Variants in MXRA5 observed in about 807,000 individuals in gnomAD.
MXRA5 encodes the protein matrix remodeling associated 5.
In MXRA5, 41 loss-of-function variants were observed where a neutral mutation model predicts 112.5. That is an observed-to-expected ratio of 0.36 (90% confidence interval 0.28 to 0.47). MXRA5 has a LOEUF of 0.47. Among genes scored for constraint, MXRA5 ranks in the 20% least tolerant of loss-of-function variants. The pLI is 0.99. For missense variants in MXRA5, 2,150 were observed against 2,251.0 expected, an observed-to-expected ratio of 0.96 and a Z score of 0.91; for synonymous variants, 862 against 900.8, an observed-to-expected ratio of 0.96 and a Z score of 0.77.
chrX:3,324,608 T>C lies in MXRA5; in HGVS notation c.1077A>G (p.Ala359=), dbSNP rs373601783. Residue 359 remains alanine (A), a synonymous_variant, in exon 5 of 7, where the codon GCA becomes GCG. Coordinates refer to ENST00000217939, the MANE Select transcript of MXRA5 (RefSeq NM_015419.4). ...QTDPPDIDIN[A]TVALDFECPM... The stretch of plus-strand genomic sequence containing the variant: ...GACACTCAAAGTCCAAGGCAACTGT[T>C]GCATTTATGTCAATATCTGGAGGAT... The C allele has an allele frequency of 6.6e-6, 8 of 1,209,535 alleles. No individual in the cohort carries two copies. In the African/African-American group the frequency reaches 1.4e-4, roughly 21 times the overall value.
chrX:3,325,586 G>A (rs1230483939), intron 4 of MXRA5, among the ~76,000 whole-genome samples: 29 of 101,798 alleles, frequency 2.8e-4, no homozygotes, highest in African/African-American at 9.8e-4. Flanking sequence ...AACATATATT[G>A]ATATATTAAT....
chrX:3,344,567 CAG>C (rs1922063591), intron 1 of MXRA5, among the ~76,000 whole-genome samples: 1 of 111,000 alleles, frequency 9.0e-6, no homozygotes, highest in South Asian at 3.8e-4. Flanking sequence ...TTCAGGCAAA[CAG>C]AAAAAAATGG....
At chrX:3,325,411 T>C (rs1483820213) in intron 4 of MXRA5, among the ~76,000 whole-genome samples, 1 of 108,051 alleles carries the variant, frequency 9.3e-6, no homozygotes, top group East Asian at 2.8e-4. Flanking sequence ...CTAATTTTTG[T>C]TGTTTTTCAT....
chrX:3,345,244 G>A (rs1013821137), intron 1 of MXRA5, among the ~76,000 whole-genome samples: 1 of 113,024 alleles, frequency 8.8e-6, no homozygotes, highest in Non-Finnish European at 1.9e-5. Flanking sequence ...TTAAGCCCGG[G>A]GGCGCGTCTC....
At chrX:3,313,504 C>T (rs1921020342) in intron 6 of MXRA5, among the ~76,000 whole-genome samples, 1 of 111,492 alleles carries the variant, frequency 9.0e-6, no homozygotes, top group Non-Finnish European at 1.9e-5. Flanking sequence ...AAGCAATCCA[C>T]CCACCTCGGC....
Position 3,346,599 on chromosome X carries a change from T to G in MXRA5, c.-113A>C, listed in dbSNP as rs1182183003. On this transcript the variant is annotated 5_prime_UTR_variant, in exon 1 of 7. Transcript: ENST00000217939. ...GGCGCGCGAGTCACGGCCGGGAGTT[T>G]GCCGGGGCCATGCCCTTCCCGGGGC... The G allele has an allele frequency of 1.3e-6, 1 of 747,722 alleles. No homozygotes were observed. Among genetic ancestry groups the G allele is most frequent in the Admixed American group, 8.6e-5 (1 of 11,588 alleles). The allele number at this position is 747,722 out of a possible 1,213,427, so 61.6% of individuals were successfully genotyped here. A position where few individuals can be genotyped will look rare whatever the true frequency, so the allele number is the denominator to read the frequency against.
chrX:3,326,028 T>C (rs1302832314), intron 4 of MXRA5, among the ~76,000 whole-genome samples: 8 of 73,900 alleles, frequency 1.1e-4, no homozygotes, highest in African/African-American at 4.6e-4. Context: ...ATGTATTTTA[T>C]ATATAAATTT....
Position 3,310,932 on chromosome X carries a change from G to T in MXRA5, c.7271C>A (p.Ala2424Glu), listed in dbSNP as rs200992239. 22 of 1,211,447 alleles carry T rather than the reference G, an allele frequency of 1.8e-5. No individual in the cohort carries two copies. The highest frequency in any genetic ancestry group is 2.3e-5 in the Non-Finnish European group (21 of 895,490). The change falls in exon 7 of 7, where the codon GCG becomes GAG. Residue 2424 changes from alanine (A) to glutamate (E), a missense_variant. Transcript: ENST00000217939. ...GNYTCLVRNS[A>E]GEDRKTVWIH... ...CCACACCGTCTTCCTATCCTCTCCC[G>T]CGCTGTTCCTGACCAAGCAGGTGTA...
intron 6 of MXRA5, among the ~76,000 whole-genome samples, chrX:3,314,851 G>T (rs1417373193): frequency 9.1e-6 from 1 of 109,583 alleles, no homozygotes; most frequent in Non-Finnish European, 1.9e-5. Flanking sequence ...CTCCTTGGTT[G>T]TAAACAACTG....
intron 4 of MXRA5, among the ~76,000 whole-genome samples, chrX:3,329,813 C>T (rs1420955418): frequency 1.8e-5 from 2 of 111,810 alleles, no homozygotes; most frequent in African/African-American, 6.5e-5. Flanking sequence ...GGGATAACTG[C>T]CTTTGCGTTG....
At chrX:3,341,401 AT>A (rs1372510162) in intron 2 of MXRA5, among the ~76,000 whole-genome samples, 3 of 22,873 alleles carry the variant, frequency 1.3e-4, no homozygotes, top group African/African-American at 7.2e-4. Flanking sequence ...TATATATAAT[AT>A]ATATTATTAT....
chrX:3,310,153 T>C lies in MXRA5; in HGVS notation c.8050A>G (p.Thr2684Ala). The C allele has an allele frequency of 8.3e-7, 1 of 1,210,984 alleles. No individual in the cohort carries two copies. Among genetic ancestry groups the C allele is most frequent in the East Asian group, 3.0e-5 (1 of 33,805 alleles). ...PNGMHLEGPQ[T>A]LGRVSLLDNG... ...TCCAGAAGAGAAACGCGTCCCAGGG[T>C]TTGGGGGCCCTCCAGATGCATGCCA... The change falls in exon 7 of 7, where the codon ACC becomes GCC. Residue 2684 changes from threonine to alanine, a missense_variant. This residue lies in a region of MXRA5 where 178 missense variants were observed against 198.2 expected (regional missense o/e 0.90). Transcript: ENST00000217939.
intron 2 of MXRA5, among the ~76,000 whole-genome samples, chrX:3,340,931 C>T (rs1339728963): frequency 1.2e-5 from 1 of 85,268 alleles, no homozygotes; most frequent in Non-Finnish European, 2.3e-5. Context: ...AACACACAAA[C>T]CTGCTGTGCA....
chrX:3,333,009 A>G (rs1921702780), intron 2 of MXRA5, among the ~76,000 whole-genome samples: 1 of 111,229 alleles, frequency 9.0e-6, no homozygotes, highest in Non-Finnish European at 1.9e-5. Flanking sequence ...CTGAGTTTCA[A>G]GAAAGTTTCC....
chrX:3,344,176 G>A (rs1341175439), intron 1 of MXRA5, among the ~76,000 whole-genome samples: 3 of 110,638 alleles, frequency 2.7e-5, no homozygotes, highest in Non-Finnish European at 3.8e-5. Context: ...GAGAGAGAGA[G>A]AGAGAGAGAA....
In MXRA5 at chrX:3,324,589, C is replaced by G; in HGVS notation, c.1096G>C (p.Glu366Gln). Residue 366 changes from glutamate (E) to glutamine (Q), a missense_variant, in exon 5 of 7, where the codon GAG (glutamate) becomes CAG (glutamine). Glu to Gln is a conservative substitution (Grantham distance 29). This residue lies in a region of MXRA5 where 386 missense variants were observed against 411.0 expected (regional missense o/e 0.94). Transcript: ENST00000217939. ...TAGTTTTCTCGGGTCATTGGACACT[C>G]AAAGTCCAAGGCAACTGTTGCATTT... The part of the protein sequence containing the change: ...DINATVALDF[E>Q]CPMTRENYEK... 8.3e-7 allele frequency: 1 copy of G among 1,211,344 alleles called. No individual in the cohort carries two copies. Among genetic ancestry groups the G allele is most frequent in the Non-Finnish European group, 1.1e-6 (1 of 895,242 alleles).
At chrX:3,333,234 T>C (rs1396092396) in intron 2 of MXRA5, among the ~76,000 whole-genome samples, 1 of 90,569 alleles carries the variant, frequency 1.1e-5, no homozygotes, top group African/African-American at 4.3e-5. Context: ...ACCCAGGAGG[T>C]TGAGGCTGCA....
intron 6 of MXRA5, 89 bp downstream of exon 6, chrX:3,317,014 C>A (rs1921153443): frequency 7.4e-6 from 7 of 945,493 alleles, no homozygotes; most frequent in Admixed American, 3.9e-5. Flanking sequence ...CAGGGAGCAA[C>A]GTGTGTGCAT....
At position 3,309,773 on chromosome X, in the gene MXRA5, G is replaced by C; in HGVS notation, c.8430C>G (p.Cys2810Trp). The change falls in exon 7 of 7, where the codon TGC becomes TGG. Residue 2810 changes from cysteine (C) to tryptophan (W), a missense_variant. Cys to Trp is a radical substitution (Grantham distance 215). Coordinates refer to ENST00000217939, the MANE Select transcript of MXRA5 (RefSeq NM_015419.4). ...ATQRDAGFYK[C>W]MAKNILGSDS... ...CACTGCCGAGAATGTTTTTTGCCAT[G>C]CACTTGTAGAAGCCGGCATCTCTCT... The C allele has an allele frequency of 8.3e-7, 1 of 1,211,272 alleles. No individual in the cohort carries two copies. Among genetic ancestry groups the C allele is most frequent in the Non-Finnish European group, 1.1e-6 (1 of 895,345 alleles).
Sources: allele counts gnomAD v4.1 joint callset (sites outside exome capture counted in the v4.1 genomes callset), GRCh38; gene constraint gnomAD v4.1.1; regional missense constraint gnomAD v4.1.1; transcripts MANE v1.5; gene names NCBI Gene and HGNC (gene_info 2026-07-23, HGNC 2026-07-21).